The following PRKCA variants were observed in gnomAD, a reference collection of about 807,000 sequenced individuals.
PRKCA encodes the protein protein kinase C alpha type.
A neutral mutation model predicts 87.0 loss-of-function variants in PRKCA; 27 were observed. The observed-to-expected ratio is 0.31, with a 90% CI of 0.23 to 0.43. The LOEUF is 0.43. PRKCA is among the 20% of genes least tolerant of loss of function. The pLI, the probability that PRKCA is intolerant of heterozygous loss-of-function variation, is 1.00. For missense variants in PRKCA, 518 were observed against 852.3 expected (o/e 0.61, Z 4.88); for synonymous variants, 329 against 311.1 (o/e 1.06, Z -0.61).
intron 3 of PRKCA, among the ~76,000 whole-genome samples, chr17:66,519,146 G>A (rs563593842): frequency 1.2e-4 from 19 of 152,218 alleles, no homozygotes; most frequent in African/African-American, 2.6e-4. Context: ...GGGGCCGTCC[G>A]TTGTTAGGTG....
At chr17:66,641,674 C>G (rs561953985) in intron 4 of PRKCA, among the ~76,000 whole-genome samples, 1 of 151,576 alleles carries the variant, frequency 6.6e-6, no homozygotes, top group African/African-American at 2.4e-5. Context: ...TATGAACCCC[C>G]AAAAAGCACT....
At position 66,523,866 on chromosome 17, in the gene PRKCA, A is replaced by C. The variant is rs1314470790; in HGVS notation, c.288+27583A>C. Among the ~76,000 whole-genome samples, 6 of 152,188 alleles carry C rather than the reference A, an allele frequency of 3.9e-5. 1 individual carries two copies. The highest frequency in any genetic ancestry group is 1.4e-4 in the African/African-American group (6 of 41,450). ...TTGTAATGAACAGAATTGCCTTCTG[A>C]TGATGTCAACATATCTAATACAAGA... is the stretch of plus-strand genomic sequence containing the variant. On this transcript the variant is annotated intron_variant, in intron 3 of 16. Coordinates refer to ENST00000413366, the MANE Select transcript of PRKCA (RefSeq NM_002737.3).
At chr17:66,666,170 A>AATG (rs1258254382) in intron 5 of PRKCA, among the ~76,000 whole-genome samples, 1 of 152,394 alleles carries the variant, frequency 6.6e-6, no homozygotes, top group East Asian at 1.9e-4. Flanking sequence ...TAGACTACAT[A>AATG]GAGCAGAAAT....
intron 3 of PRKCA, among the ~76,000 whole-genome samples, chr17:66,523,405 G>C (rs1442150211): frequency 6.6e-6 from 1 of 152,154 alleles, no homozygotes; most frequent in African/African-American, 2.4e-5. Flanking sequence ...GTATGACCTT[G>C]AGCAGGGCAT....
At chr17:66,498,729 TAGGC>T (rs567379810) in intron 3 of PRKCA, among the ~76,000 whole-genome samples, 278 of 152,266 alleles carry the variant, frequency 1.8e-3, no homozygotes, top group Middle Eastern at 3.4e-3. Flanking sequence ...GGGTAGGAGA[TAGGC>T]AGACAAAAGG....
intron 3 of PRKCA, among the ~76,000 whole-genome samples, chr17:66,553,056 A>G (rs1224429935): frequency 6.6e-6 from 1 of 151,462 alleles, no homozygotes; most frequent in African/African-American, 2.4e-5. Context: ...ATCTTGGCTC[A>G]CTGCAACCTC....
At chr17:66,314,895 G>A (rs1051148226) in intron 2 of PRKCA, among the ~76,000 whole-genome samples, 217 of 151,592 alleles carry the variant, frequency 1.4e-3, no homozygotes, top group Admixed American at 5.1e-3. Flanking sequence ...GTGTGTGTGT[G>A]TGTGTGTATG....
chr17:66,370,552 T>TA (rs1909041563), intron 2 of PRKCA, among the ~76,000 whole-genome samples: 1 of 139,264 alleles, frequency 7.2e-6, no homozygotes, highest in East Asian at 2.0e-4. Flanking sequence ...TTCTTTTCTT[T>TA]TTTTTTTTTT....
chr17:66,463,457 A>G (rs1914947649), intron 2 of PRKCA, among the ~76,000 whole-genome samples: 1 of 151,622 alleles, frequency 6.6e-6, no homozygotes. Context: ...GTGCAGTGGC[A>G]TGATCTCGGC....
intron 3 of PRKCA, among the ~76,000 whole-genome samples, chr17:66,570,040 T>C (rs1056545296): frequency 6.6e-6 from 1 of 152,238 alleles, no homozygotes; most frequent in African/African-American, 2.4e-5. Context: ...TATAATCCTA[T>C]CATGGGGTAC....
At chr17:66,473,890 C>T (rs916146763) in intron 2 of PRKCA, among the ~76,000 whole-genome samples, 18 of 152,072 alleles carry the variant, frequency 1.2e-4, no homozygotes, top group African/African-American at 3.9e-4. Context: ...GCCGAGATCA[C>T]GCCATTGCAC....
intron 3 of PRKCA, among the ~76,000 whole-genome samples, chr17:66,595,351 G>A (rs530650890): frequency 5.9e-5 from 9 of 151,554 alleles, no homozygotes; most frequent in Non-Finnish European, 1.2e-4. Flanking sequence ...CTTTTCTTTC[G>A]CAAGTACATC....
At chr17:66,589,677 T>A (rs1969736583) in intron 3 of PRKCA, among the ~76,000 whole-genome samples, 2 of 152,122 alleles carry the variant, frequency 1.3e-5, no homozygotes, top group African/African-American at 4.8e-5. Flanking sequence ...GGAGGGGCAG[T>A]TGTCTGGGGC....
intron 8 of PRKCA, among the ~76,000 whole-genome samples, chr17:66,731,349 C>CACAAA: frequency 1.5e-5 from 1 of 64,624 alleles, no homozygotes; most frequent in African/African-American, 6.4e-5. Flanking sequence ...AACTCCGTCT[C>CACAAA]AGAAAAAAAA....
At chr17:66,706,260 A>G (rs543693956) in intron 8 of PRKCA, among the ~76,000 whole-genome samples, 47 of 152,300 alleles carry the variant, frequency 3.1e-4, no homozygotes, top group African/African-American at 1.1e-3. Context: ...CACCCCCAGT[A>G]CCCATATTAA....
At chr17:66,484,167 G>A (rs950735555) in intron 2 of PRKCA, among the ~76,000 whole-genome samples, 1 of 152,098 alleles carries the variant, frequency 6.6e-6, no homozygotes. Flanking sequence ...TACTCACTAC[G>A]ACGAGAACAG....
intron 8 of PRKCA, among the ~76,000 whole-genome samples, chr17:66,694,191 A>G (rs1972857672): frequency 2.0e-5 from 3 of 152,108 alleles, no homozygotes; most frequent in Admixed American, 6.5e-5. Context: ...GGCACATATA[A>G]AAGATGATTT....
intron 5 of PRKCA, among the ~76,000 whole-genome samples, chr17:66,663,841 G>C (rs779233693): frequency 6.7e-6 from 1 of 149,474 alleles, no homozygotes; most frequent in Non-Finnish European, 1.5e-5. Context: ...AGTGTTTTTT[G>C]TTGTTGTTGT....
intron 3 of PRKCA, among the ~76,000 whole-genome samples, chr17:66,520,633 G>A (rs1053390128): frequency 2.0e-5 from 3 of 151,882 alleles, no homozygotes; most frequent in Non-Finnish European, 4.4e-5. Flanking sequence ...CTTATCAAAG[G>A]TAATGCAGTT....
Sources: allele counts gnomAD v4.1 joint callset (sites outside exome capture counted in the v4.1 genomes callset), GRCh38; gene constraint gnomAD v4.1.1; transcripts MANE v1.5; gene names NCBI Gene and HGNC (gene_info 2026-07-23, HGNC 2026-07-21).